KLHL22: variants seen among roughly 807,000 people sequenced by gnomAD.
The protein encoded by KLHL22 is kelch-like protein 22.
Under a neutral mutation model 60.7 loss-of-function variants are expected in KLHL22, and 18 were observed. The observed-to-expected ratio is 0.30, with a 90% CI of 0.20 to 0.44. The LOEUF (loss-of-function observed/expected upper bound fraction) is 0.44. KLHL22 is among the 20% of genes least tolerant of loss of function. KLHL22 has a pLI of 1.00. For missense variants in KLHL22, 596 were observed against 852.3 expected (o/e 0.70, Z 3.74); for synonymous variants, 355 against 354.5 (o/e 1.00, Z -0.01).
At chr22:20,452,231 A>T (rs2146184981) in intron 5 of KLHL22, among the ~76,000 whole-genome samples, 1 of 151,754 alleles carries the variant, frequency 6.6e-6, no homozygotes, top group South Asian at 2.1e-4. Context: ...GAAAGATACC[A>T]ATTTAAGTAA....
intron 5 of KLHL22, among the ~76,000 whole-genome samples, chr22:20,454,244 A>C (rs569010348): frequency 1.3e-3 from 193 of 152,166 alleles, no homozygotes; most frequent in Non-Finnish European, 2.6e-3. Context: ...CAGGAGGATC[A>C]CTTGAACCAG....
chr22:20,482,740 T>G, intron 2 of KLHL22: 19 of 536,140 alleles, frequency 3.5e-5, no homozygotes, highest in Middle Eastern at 4.8e-4. Context: ...ACCTGGCTAA[T>G]TTTTGTATTT....
rs1348840349 is a variant in KLHL22 at position 20,441,857 on chromosome 22, C to T, written c.*216G>A. On this transcript the variant is annotated 3_prime_UTR_variant, in exon 7 of 7. Coordinates refer to ENST00000328879, the MANE Select transcript of KLHL22 (RefSeq NM_032775.4). ...CAAAGCCTTTCAGAAGCAGTTCCTG[C>T]AGTGACGTAATCCACAGCCTGGGAT... The T allele has an allele frequency of 2.1e-4, 91 of 427,630 alleles. No individual in the cohort carries two copies. Among genetic ancestry groups the T allele is most frequent in the Non-Finnish European group, 1.2e-5 (3 of 247,212 alleles). The allele number at this position is 427,630 out of a possible 1,614,324, so 26.5% of individuals were successfully genotyped here.
At chr22:20,481,732 T>C (rs1207666714) in intron 2 of KLHL22, among the ~76,000 whole-genome samples, 1 of 151,960 alleles carries the variant, frequency 6.6e-6, no homozygotes, top group Non-Finnish European at 1.5e-5. Flanking sequence ...GCCTCCCAAG[T>C]AGTGGGGACT....
At chr22:20,472,357 A>G (rs980265221) in intron 2 of KLHL22, among the ~76,000 whole-genome samples, 2 of 152,232 alleles carry the variant, frequency 1.3e-5, no homozygotes, top group Non-Finnish European at 2.9e-5. Context: ...CTGGGAGGCC[A>G]AGGCAGGCAG....
Position 20,442,190 on chromosome 22 carries a change from G to A in KLHL22, c.1788C>T (p.Ser596=). Residue 596 remains serine (S), a synonymous_variant, in exon 7 of 7, where the codon TCC becomes TCT. Transcript: ENST00000328879. ...TCCCGCGGGGCGGCTCAAGGAGCAG[G>A]GAGCGGGGCAGGGTGAGCACACAGG... The part of the protein sequence containing the change: ...LAACVLTLPR[S]LLLEPPRGTP... 1 of 1,579,150 alleles carries A rather than the reference G, an allele frequency of 6.3e-7. No homozygotes were observed. Among genetic ancestry groups the A allele is most frequent in the Non-Finnish European group, 8.6e-7 (1 of 1,160,498 alleles).
At chr22:20,445,243 G>A (rs911326984) in intron 6 of KLHL22, among the ~76,000 whole-genome samples, 3 of 139,962 alleles carry the variant, frequency 2.1e-5, no homozygotes, top group Non-Finnish European at 4.6e-5. Flanking sequence ...GTCTTGCTCT[G>A]TTGCCCAGGC....
chr22:20,477,882 G>A (rs1282090105), intron 2 of KLHL22, among the ~76,000 whole-genome samples: 2 of 152,112 alleles, frequency 1.3e-5, no homozygotes, highest in East Asian at 1.9e-4. Flanking sequence ...ATGGAACATG[G>A]CTCAATCATA....
chr22:20,442,893 C>T (rs2052786141), intron 6 of KLHL22, among the ~76,000 whole-genome samples: 1 of 152,250 alleles, frequency 6.6e-6, no homozygotes, highest in African/African-American at 2.4e-5. Flanking sequence ...GCACTCAACA[C>T]AGGCAGTAGG....
Position 20,442,115 on chromosome 22 carries a change from A to C in KLHL22, c.1863T>G (p.Ser621Arg). 6.6e-7 allele frequency: 1 copy of C among 1,514,662 alleles called. No individual in the cohort carries two copies. The highest frequency in any genetic ancestry group is 8.8e-7 in the Non-Finnish European group (1 of 1,130,592). The allele number at this position is 1,514,662 out of a possible 1,614,324, so 93.8% of individuals were successfully genotyped here. The change falls in exon 7 of 7, where the codon AGT (serine) becomes AGG (arginine). Residue 621 changes from serine (S) to arginine (R), a missense_variant. Transcript: ENST00000328879. ...ADPDFASEVMSVSDWEEFDNS... is the reference protein window; with the variant it reads ...ADPDFASEVMRVSDWEEFDNS... The stretch of plus-strand genomic sequence containing the variant: ...TGTCAAACTCCTCCCAGTCAGACAC[A>C]CTCATCACCTCAGAGGCAAAGTCCG...
chr22:20,472,144 G>A (rs1207101346), intron 2 of KLHL22, among the ~76,000 whole-genome samples: 1 of 152,096 alleles, frequency 6.6e-6, no homozygotes, highest in Non-Finnish European at 1.5e-5. Flanking sequence ...CTACTTTGGT[G>A]GCTGCGGCAC....
chr22:20,467,732 C>A (rs1427229329), intron 3 of KLHL22, among the ~76,000 whole-genome samples: 1 of 152,178 alleles, frequency 6.6e-6, no homozygotes, highest in Non-Finnish European at 1.5e-5. Flanking sequence ...GATCTCGGCT[C>A]ACTGCAAGCT....
intron 3 of KLHL22, 36 bp downstream of exon 3, chr22:20,471,314 G>C (rs371496834): frequency 8.1e-6 from 13 of 1,598,254 alleles, no homozygotes; most frequent in Non-Finnish European, 1.1e-5. Flanking sequence ...CCCCACCTGG[G>C]TGTGGGTCTG....
At chr22:20,457,760 G>A in intron 5 of KLHL22, 48 bp downstream of exon 5, 1 of 1,458,114 alleles carries the variant, frequency 6.9e-7, no homozygotes, top group South Asian at 1.2e-5. Context: ...GCACATCCTG[G>A]GGAAGGAAAT....
intron 5 of KLHL22, among the ~76,000 whole-genome samples, chr22:20,455,923 T>C (rs1345110795): frequency 6.6e-6 from 1 of 152,226 alleles, no homozygotes; most frequent in Non-Finnish European, 1.5e-5. Context: ...CCCATGCCAG[T>C]TGGGGCGATC....
intron 2 of KLHL22, among the ~76,000 whole-genome samples, chr22:20,485,758 C>T (rs570333897): frequency 2.3e-3 from 354 of 152,126 alleles, no homozygotes; most frequent in Non-Finnish European, 4.2e-3. Flanking sequence ...ATCCCAGCTA[C>T]TCAGGAGGCT....
rs768174456 is a variant in KLHL22 at position 20,471,386 on chromosome 22, A to G, written c.357T>C (p.Asn119=). ...YTSELELSLS[N]VQETLVAACQ... ...AGGCAGCCACCAGTGTCTCTTGTAC[A>G]TTGCTCAGGCTGAGCTCCAGCTCGG... The change falls in exon 3 of 7, where the codon AAT becomes AAC. Residue 119 remains asparagine, a synonymous_variant. Coordinates refer to ENST00000328879, the MANE Select transcript of KLHL22 (RefSeq NM_032775.4). 3.1e-5 allele frequency: 50 copies of G among 1,613,860 alleles called. No individual in the cohort carries two copies. Among genetic ancestry groups the G allele is most frequent in the Non-Finnish European group, 4.2e-5 (49 of 1,179,924 alleles).
In KLHL22 at chr22:20,450,822, A is replaced by C; in HGVS notation, c.1306-4146T>G. On this transcript the variant is annotated intron_variant, in intron 5 of 6. Transcript: ENST00000328879. ...TAACCCTCAGGTATATCACAGATGT[A>C]ATAGATGCTGAGCCTTTCATCCACT... The C allele has an allele frequency of 4.6e-6, 7 of 1,523,942 alleles. No homozygotes were observed. The South Asian group carries it at 7.8e-5, about 17-fold the overall frequency. 94.4% of individuals were successfully genotyped at this position (1,523,942 alleles called of 1,614,324 possible).
At position 20,441,808 on chromosome 22, in the gene KLHL22, C is replaced by G; in HGVS notation, c.*265G>C. On this transcript the variant is annotated 3_prime_UTR_variant, in exon 7 of 7. Coordinates refer to ENST00000328879, the MANE Select transcript of KLHL22 (RefSeq NM_032775.4). The stretch of plus-strand genomic sequence containing the variant: ...AGGCAGGGAGGAGAGAAGGCCAACC[C>G]CTCCAGGGCTCACTGAGGAAGGCCA... 5.4e-6 allele frequency: 2 copies of G among 373,660 alleles called. No homozygotes were observed. The highest frequency in any genetic ancestry group is 9.6e-6 in the Non-Finnish European group (2 of 209,162). The allele number at this position is 373,660 out of a possible 1,614,324, so 23.1% of individuals were successfully genotyped here.
Sources: gnomAD v4.1 joint callset for allele counts (sites outside exome capture counted in the v4.1 genomes callset) on GRCh38, gnomAD v4.1.1 for gene constraint, MANE v1.5 for transcripts, NCBI Gene and HGNC (gene_info 2026-07-23, HGNC 2026-07-21) for gene names.